Variants in PKIB observed in about 807,000 individuals in gnomAD.
The protein encoded by PKIB is cAMP-dependent protein kinase inhibitor beta.
In PKIB, 2 loss-of-function variants were observed where a neutral mutation model predicts 4.5. That is an observed-to-expected ratio of 0.44 (90% confidence interval 0.18 to 1.39). The LOEUF (loss-of-function observed/expected upper bound fraction) is 1.39. Ranked by LOEUF, PKIB falls within the 40% of genes most tolerant of loss-of-function variation. The probability of loss-of-function intolerance (pLI) is 0.27; values close to 1 mark genes in which losing one functional copy is unlikely to be tolerated. For synonymous variants in PKIB, 38 were observed against 36.0 expected (o/e 1.06, Z -0.20); for missense variants, 94 against 92.6 (o/e 1.02, Z -0.06).
At chr6:122,569,124 C>A (rs1426193668) in intron 2 of PKIB, among the ~76,000 whole-genome samples, 1 of 152,202 alleles carries the variant, frequency 6.6e-6, no homozygotes, top group Non-Finnish European at 1.5e-5. Context: ...TAGCCCCACC[C>A]AAGGAGAGTC....
At chr6:122,521,293 G>C (rs1276510926) in intron 2 of PKIB, among the ~76,000 whole-genome samples, 1 of 152,168 alleles carries the variant, frequency 6.6e-6, no homozygotes, top group Non-Finnish European at 1.5e-5. Context: ...CAACCACTGA[G>C]TTTGTCATTG....
chr6:122,496,320 C>A lies in PKIB; in HGVS notation c.-248+18381C>A, dbSNP rs1471670881. On this transcript the variant is annotated intron_variant, in intron 2 of 6. Coordinates refer to the PKIB transcript ENST00000392491. The stretch of plus-strand genomic sequence containing the variant: ...AAGAACTAGTATAAGAATTCTGGCA[C>A]CATGAAAAATATGAATGTTGCAACA... Among the ~76,000 whole-genome samples the A allele has an allele frequency of 2.6e-5, 4 of 152,242 alleles. No individual in the cohort carries two copies. The East Asian group carries it at 5.8e-4, about 22-fold the overall frequency.
At chr6:122,502,620 T>C (rs1392288989) in intron 2 of PKIB, among the ~76,000 whole-genome samples, 1 of 152,140 alleles carries the variant, frequency 6.6e-6, no homozygotes, top group African/African-American at 2.4e-5. Context: ...GCCCCCATGA[T>C]TCAATCACCT....
At position 122,550,917 on chromosome 6, in the gene PKIB, A is replaced by G. The variant is rs59831074; in HGVS notation, c.-247-35004A>G. Reference sequence around the variant, plus strand: ...TTACCGTATCACTGCTAGTGTGGGCATTGATTTCGATGATGGAAAAATTTT... The same window carrying G: ...TTACCGTATCACTGCTAGTGTGGGCGTTGATTTCGATGATGGAAAAATTTT... On this transcript the variant is annotated intron_variant, in intron 2 of 6. Coordinates refer to the PKIB transcript ENST00000392491. Among the ~76,000 whole-genome samples the G allele has an allele frequency of 3.2e-3, 492 of 152,314 alleles. 5 individuals carry two copies. Among genetic ancestry groups the G allele is most frequent in the African/African-American group, 0.011 (473 of 41,580 alleles).
intron 2 of PKIB, among the ~76,000 whole-genome samples, chr6:122,526,102 A>C (rs1486511047): frequency 6.6e-6 from 1 of 152,210 alleles, no homozygotes; most frequent in African/African-American, 2.4e-5. Context: ...ACTCTTCATC[A>C]TTCAAGTTTG....
At chr6:122,471,974 A>C in exon 1 of PKIB, 3 of 973,534 alleles carry the variant, frequency 3.1e-6, no homozygotes, top group Non-Finnish European at 4.3e-6. Flanking sequence ...AGAATTTCTC[A>C]AGGACTGCTG....
In PKIB at chr6:122,725,274, C is replaced by G. The variant is rs1779912136; in HGVS notation, c.*79C>G. On this transcript the variant is annotated 3_prime_UTR_variant, in exon 5 of 5. Transcript: ENST00000368452. ...GTTCTGTTTTCTTGAGACATTTAAT[C>G]TGGTGGTAACTGTGGTAACATTGCA... 2 of 1,152,056 alleles carry G rather than the reference C, an allele frequency of 1.7e-6. No homozygotes were observed. The highest frequency in any genetic ancestry group is 2.5e-6 in the Non-Finnish European group (2 of 792,376). 71.4% of individuals were successfully genotyped at this position (1,152,056 alleles called of 1,614,324 possible). A position where few individuals can be genotyped will look rare whatever the true frequency, so the allele number is the denominator to read the frequency against.
At chr6:122,594,908 A>T (rs756799299) in intron 3 of PKIB, among the ~76,000 whole-genome samples, 1 of 152,180 alleles carries the variant, frequency 6.6e-6, no homozygotes, top group Non-Finnish European at 1.5e-5. Flanking sequence ...GTCTGAGGCA[A>T]TCACAGCAGC....
chr6:122,631,752 G>A (rs1352770091), intron 1 of PKIB, among the ~76,000 whole-genome samples: 10 of 152,184 alleles, frequency 6.6e-5, no homozygotes, highest in Admixed American at 6.5e-4. Flanking sequence ...ACTGAGTTCA[G>A]TGCTTCTGCC....
chr6:122,637,610 G>C, intron 2 of PKIB, among the ~76,000 whole-genome samples: 1 of 151,936 alleles, frequency 6.6e-6, no homozygotes, highest in East Asian at 1.9e-4. Context: ...CAAAAAATTA[G>C]CTGGGCGTGG....
intron 2 of PKIB, among the ~76,000 whole-genome samples, chr6:122,560,715 C>T (rs781304083): frequency 1.3e-5 from 2 of 151,910 alleles, no homozygotes; most frequent in African/African-American, 2.4e-5. Flanking sequence ...ATTTTAATCT[C>T]GCTGCTTGTT....
chr6:122,587,287 T>A (rs960175935), intron 3 of PKIB, among the ~76,000 whole-genome samples: 1 of 152,162 alleles, frequency 6.6e-6, no homozygotes, highest in Non-Finnish European at 1.5e-5. Context: ...TTTGGTTTTT[T>A]ATCCTTGCGA....
chr6:122,596,222 G>A (rs1287485079), intron 3 of PKIB, among the ~76,000 whole-genome samples: 3 of 152,158 alleles, frequency 2.0e-5, no homozygotes. Flanking sequence ...TAATGCTACA[G>A]CTGTCCACTT....
At chr6:122,649,927 A>G (rs543883984) in intron 2 of PKIB, among the ~76,000 whole-genome samples, 2 of 152,286 alleles carry the variant, frequency 1.3e-5, no homozygotes, top group African/African-American at 4.8e-5. Flanking sequence ...ACCGGATCTG[A>G]TGAATCATAT....
chr6:122,481,237 A>C (rs1377218940), intron 2 of PKIB: 2 of 152,208 alleles, frequency 1.3e-5, no homozygotes, highest in Non-Finnish European at 2.9e-5. Context: ...ATAAACGGGA[A>C]TAAATCATGA....
At chr6:122,547,751 G>A (rs1263418415) in intron 2 of PKIB, among the ~76,000 whole-genome samples, 1 of 124,044 alleles carries the variant, frequency 8.1e-6, no homozygotes, top group African/African-American at 3.0e-5. Context: ...CACTGGACAC[G>A]AACCATATGC....
intron 2 of PKIB, among the ~76,000 whole-genome samples, chr6:122,540,639 GA>G (rs1427182660): frequency 6.6e-6 from 1 of 151,796 alleles, no homozygotes; most frequent in Non-Finnish European, 1.5e-5. Context: ...GTGTGGTGCT[GA>G]AAAAAATGTA....
chr6:122,502,556 A>G (rs1227688914), intron 2 of PKIB, among the ~76,000 whole-genome samples: 1 of 151,952 alleles, frequency 6.6e-6, no homozygotes, highest in Non-Finnish European at 1.5e-5. Context: ...ACTTTTAAAT[A>G]ATCAGATCTT....
At chr6:122,579,138 T>C (rs1248808366) in intron 2 of PKIB, among the ~76,000 whole-genome samples, 2 of 152,198 alleles carry the variant, frequency 1.3e-5, no homozygotes, top group Non-Finnish European at 2.9e-5. Flanking sequence ...TCTCATGACT[T>C]CAGAATCTAC....
Sources: gnomAD v4.1 joint callset for allele counts (sites outside exome capture counted in the v4.1 genomes callset) on GRCh38, gnomAD v4.1.1 for gene constraint, MANE v1.5 for transcripts, NCBI Gene and HGNC (gene_info 2026-07-23, HGNC 2026-07-21) for gene names.